AFF4: variants seen among roughly 807,000 people sequenced by gnomAD.
AFF4 encodes ALF transcription elongation factor 4.
In AFF4, 13 loss-of-function variants were observed where a neutral mutation model predicts 124.8. That is an observed-to-expected ratio of 0.10 (90% confidence interval 0.07 to 0.17). The LOEUF is 0.17. Among genes scored for constraint, AFF4 ranks in the 10% least tolerant of loss-of-function variants. The pLI is 1.00. For synonymous variants in AFF4, 477 were observed against 496.1 expected, an observed-to-expected ratio of 0.96 and a Z score of 0.51; for missense variants, 1,092 against 1,403.8, an observed-to-expected ratio of 0.78 and a Z score of 3.55.
Position 132,930,110 on chromosome 5 carries a change from T to C in AFF4, c.963+2068A>G, listed in dbSNP as rs539147207. On this transcript the variant is annotated intron_variant, in intron 4 of 20. Transcript: ENST00000265343. ...TCTGATAAGTATGGCTTTAGACATG[T>C]TGAGTCTGAAGAGGCAAAGAGAAAT... Among the ~76,000 whole-genome samples, 4 of 152,310 alleles carry C rather than the reference T, an allele frequency of 2.6e-5. No homozygotes were observed. The East Asian group carries it at 7.7e-4, about 29-fold the overall frequency.
chr5:132,936,419 C>G (rs538706051), intron 2 of AFF4, among the ~76,000 whole-genome samples: 2 of 151,928 alleles, frequency 1.3e-5, no homozygotes, highest in South Asian at 4.1e-4. Context: ...AAAAGTGATA[C>G]CCAAATGACT....
intron 11 of AFF4, among the ~76,000 whole-genome samples, chr5:132,894,680 G>A (rs901597908): frequency 4.6e-5 from 7 of 152,158 alleles, no homozygotes; most frequent in African/African-American, 1.7e-4. Context: ...CTTATAGAAG[G>A]GCCAGGTGTG....
chr5:132,888,091 A>T lies in AFF4; in HGVS notation c.2796+6T>A. On this transcript the variant is annotated splice_donor_region_variant and intron_variant, in intron 15 of 20. Transcript: ENST00000265343. ...ATACGTAAGTGTAAGGAGAATATCT[A>T]CATACCAATGCATCTGCATTGTGCT... The T allele has an allele frequency of 6.2e-7, 1 of 1,610,828 alleles. No homozygotes were observed. The highest frequency in any genetic ancestry group is 1.7e-4 in the Middle Eastern group (1 of 6,046).
intron 5 of AFF4, among the ~76,000 whole-genome samples, chr5:132,910,579 A>G (rs1040518470): frequency 6.6e-6 from 1 of 152,198 alleles, no homozygotes; most frequent in Non-Finnish European, 1.5e-5. Context: ...GCTTTTAGGT[A>G]TATTACACAT....
At chr5:132,892,141 G>T in intron 13 of AFF4, 23 bp downstream of exon 13, 14 of 1,614,078 alleles carry the variant, frequency 8.7e-6, no homozygotes, top group Non-Finnish European at 1.2e-5. Context: ...ATTTTCAAAA[G>T]CCCCAGGCCC....
At chr5:132,962,261 T>C (rs1762096518) in intron 1 of AFF4, among the ~76,000 whole-genome samples, 1 of 152,200 alleles carries the variant, frequency 6.6e-6, no homozygotes, top group Admixed American at 6.5e-5. Context: ...ACAGCACACA[T>C]TTTATGTTAC....
intron 13 of AFF4, among the ~76,000 whole-genome samples, chr5:132,890,251 G>C (rs910795630): frequency 3.3e-5 from 5 of 151,022 alleles, no homozygotes; most frequent in African/African-American, 4.9e-5. Context: ...AACATTACTA[G>C]GATAGCTTTT....
chr5:132,896,894 C>T lies in AFF4; in HGVS notation c.1736G>A (p.Arg579His), dbSNP rs1466699134. Residue 579 changes from arginine to histidine, a missense_variant, in exon 11 of 21, where the codon CGT becomes CAT. Physicochemically the swap from Arg to His is conservative, Grantham distance 29. Coordinates refer to ENST00000265343, the MANE Select transcript of AFF4 (RefSeq NM_014423.4). ...TTCACTTTCTATCTTCAGGCCTCCA[C>T]GAGGCTCTTCAGCAGCTGCCTTCTC... ...KAEKAAAEEP[R>H]GGLKIESETP... 9.9e-6 allele frequency: 16 copies of T among 1,613,996 alleles called. No homozygotes were observed. The highest frequency in any genetic ancestry group is 6.7e-5 in the East Asian group (3 of 44,892).
chr5:132,927,303 G>T, intron 4 of AFF4, 96 bp from the exon 5 acceptor site: 3 of 1,026,734 alleles, frequency 2.9e-6, no homozygotes, highest in Middle Eastern at 2.1e-4. Context: ...CTGGTTTCAT[G>T]ACAGCTCCTC....
chr5:132,899,648 G>A lies in AFF4; in HGVS notation c.1134-7C>T, dbSNP rs1760499003. The A allele has an allele frequency of 3.7e-6, 6 of 1,605,308 alleles. No homozygotes were observed. Among genetic ancestry groups the A allele is most frequent in the Middle Eastern group, 3.3e-4 (2 of 6,064 alleles). On this transcript the variant is annotated splice_polypyrimidine_tract_variant and splice_region_variant and intron_variant, in intron 7 of 20. Transcript: ENST00000265343. ...TAAGTCATCTTTTAACATACTAGAG[G>A]GAAAAGACAAAGAATTATTATTTTT... is the stretch of plus-strand genomic sequence containing the variant.
At position 132,897,003 on chromosome 5, in the gene AFF4, C is replaced by T; in HGVS notation, c.1627G>A (p.Gly543Arg). Reference sequence around the variant, plus strand: ...GCAGGAGATTTCTGCCTCCCACGCCCACTTTCTGATCCCTTTTGGATGGTT... The same window carrying T: ...GCAGGAGATTTCTGCCTCCCACGCCTACTTTCTGATCCCTTTTGGATGGTT... Reference protein sequence around the residue: ...SKTIQKGSESGRGRQKSPAQS... With the variant: ...SKTIQKGSESRRGRQKSPAQS... The change falls in exon 11 of 21, where the codon GGG becomes AGG. Residue 543 changes from glycine to arginine, a missense_variant. Transcript: ENST00000265343. 1 of 1,614,198 alleles carries T rather than the reference C, an allele frequency of 6.2e-7. No individual in the cohort carries two copies. The highest frequency in any genetic ancestry group is 1.1e-5 in the South Asian group (1 of 91,078).
chr5:132,891,224 T>C (rs1050971397), intron 13 of AFF4, among the ~76,000 whole-genome samples: 2 of 152,038 alleles, frequency 1.3e-5, no homozygotes, highest in Middle Eastern at 3.4e-3. Context: ...AAGAAAGAGG[T>C]TGTTCAGCTA....
chr5:132,963,473 C>T lies in AFF4; in HGVS notation c.-219G>A, dbSNP rs562593938. 11 of 398,038 alleles carry T rather than the reference C, an allele frequency of 2.8e-5. No individual in the cohort carries two copies. The highest frequency in any genetic ancestry group is 2.1e-4 in the African/African-American group (10 of 48,686). 24.7% of individuals were successfully genotyped at this position (398,038 alleles called of 1,614,324 possible). The stretch of plus-strand genomic sequence containing the variant: ...CGGCAGCGATGCGCCTCACACGGAA[C>T]AGGCGTAGGCCCCGCACCGCTCCAT... On this transcript the variant is annotated 5_prime_UTR_variant, in exon 1 of 21. Transcript: ENST00000265343.
At chr5:132,932,361 T>C (rs1224759503) in intron 3 of AFF4, 139 bp from the exon 4 acceptor site, 3 of 531,460 alleles carry the variant, frequency 5.6e-6, no homozygotes, top group Non-Finnish European at 9.1e-6. Flanking sequence ...TTTGGATTAA[T>C]TTCCTTAAAT....
In AFF4 at chr5:132,898,382, G is replaced by T. The variant is rs148886341; in HGVS notation, c.1237C>A (p.Pro413Thr). The T allele has an allele frequency of 1.8e-5, 29 of 1,613,466 alleles. No homozygotes were observed. In the African/African-American group the frequency reaches 3.9e-4, roughly 22 times the overall value. Residue 413 changes from proline to threonine, a missense_variant, in exon 10 of 21, where the codon CCT (proline) becomes ACT (threonine). This residue lies in a region of AFF4 where 148 missense variants were observed against 196.3 expected (regional missense o/e 0.75). Coordinates refer to ENST00000265343, the MANE Select transcript of AFF4 (RefSeq NM_014423.4). Reference sequence around the variant, plus strand: ...GCTCCTTCACTATTATGGTGTGAAGGTTCAGAGTTACTAAAAGAGATGAAA... The same window carrying T: ...GCTCCTTCACTATTATGGTGTGAAGTTTCAGAGTTACTAAAAGAGATGAAA... ...PRSTPGSNSEPSHHNSEGADN... is the reference protein window; with the variant it reads ...PRSTPGSNSETSHHNSEGADN...
At chr5:132,918,888 G>T (rs200641232) in intron 5 of AFF4, among the ~76,000 whole-genome samples, 53 of 138,706 alleles carry the variant, frequency 3.8e-4, no homozygotes, top group African/African-American at 1.2e-3. Context: ...TTGTTTGTTT[G>T]TTTTTTTTTT....
At chr5:132,961,059 T>C (rs1367445056) in intron 1 of AFF4, among the ~76,000 whole-genome samples, 1 of 152,018 alleles carries the variant, frequency 6.6e-6, no homozygotes, top group African/African-American at 2.4e-5. Flanking sequence ...CCGTCTCTAC[T>C]AAAAATACAA....
At position 132,893,069 on chromosome 5, in the gene AFF4, T is replaced by C; in HGVS notation, c.2357A>G (p.Asp786Gly). ...TGGCTTATGGCCTGCTGAATTCTTG[T>C]CCTCCGTTTTGGGTTTCTTGCTCTC... ...ASESKKPKTE[D>G]KNSAGHKPSS... is the part of the protein sequence containing the mutation. The change falls in exon 12 of 21, where the codon GAC (aspartate) becomes GGC (glycine). Residue 786 changes from aspartate (D) to glycine (G), a missense_variant. Coordinates refer to ENST00000265343, the MANE Select transcript of AFF4 (RefSeq NM_014423.4). The C allele has an allele frequency of 1.2e-6, 2 of 1,614,160 alleles. No individual in the cohort carries two copies. The highest frequency in any genetic ancestry group is 1.7e-6 in the Non-Finnish European group (2 of 1,180,010).
chr5:132,916,172 G>C (rs1448995012), intron 5 of AFF4, among the ~76,000 whole-genome samples: 1 of 146,322 alleles, frequency 6.8e-6, no homozygotes, highest in African/African-American at 2.5e-5. Context: ...TTGGGAAGCG[G>C]AGGTTGCAAT....
Sources: allele counts gnomAD v4.1 joint callset (sites outside exome capture counted in the v4.1 genomes callset), GRCh38; gene constraint gnomAD v4.1.1; regional missense constraint gnomAD v4.1.1; transcripts MANE v1.5; gene names NCBI Gene and HGNC (gene_info 2026-07-23, HGNC 2026-07-21).